The following GOLGA2 variants were observed in gnomAD, a reference collection of about 807,000 sequenced individuals.
The protein encoded by GOLGA2 is golgin subfamily A member 2.
In GOLGA2, 49 loss-of-function variants were observed where a neutral mutation model predicts 148.8. That is an observed-to-expected ratio of 0.33 (90% CI 0.26 to 0.42). The LOEUF is 0.42. GOLGA2 is among the 10% of genes least tolerant of loss of function. The pLI is 1.00. For synonymous variants in GOLGA2, 501 were observed against 511.8 expected (o/e 0.98, Z 0.28); for missense variants, 1,178 against 1,304.6 (o/e 0.90, Z 1.49).
Position 128,257,274 on chromosome 9 carries a change from G to A in GOLGA2, c.2883C>T (p.Cys961=), listed in dbSNP as rs142984551. ...CCACACTGCCGGCGAGGCTCACCTC[G>A]CAAAGATCTTTGGAGAGAGAGAGGC... ...LGAANQQGDL[C]EVSLAGSVEP... The change falls in exon 27 of 27, where the codon TGC becomes TGT. Residue 961 remains cysteine (C), a synonymous_variant. Coordinates refer to ENST00000611957, the MANE Select transcript of GOLGA2 (RefSeq NM_001366244.2). This position sits in a 1 kb window ranked among gnomAD's most constrained non-coding sequence, Gnocchi z 8.0. 2.1e-5 allele frequency: 34 copies of A among 1,612,708 alleles called. No individual in the cohort carries two copies. The East Asian group carries it at 6.7e-4, about 32-fold the overall frequency.
Position 128,261,346 on chromosome 9 carries a change from G to T in GOLGA2, c.1333-87C>A. The T allele has an allele frequency of 4.7e-6, 6 of 1,272,962 alleles. No individual in the cohort carries two copies. Among genetic ancestry groups the T allele is most frequent in the Non-Finnish European group, 6.9e-6 (6 of 869,762 alleles). The allele number at this position is 1,272,962 out of a possible 1,614,324, so 78.9% of individuals were successfully genotyped here. Reference sequence around the variant, plus strand: ...CTCCCTCTGCCCCCACCGCCACAAAGCCCAGACCCATGACCACCTCTGGCT... The same window carrying T: ...CTCCCTCTGCCCCCACCGCCACAAATCCCAGACCCATGACCACCTCTGGCT... On this transcript the variant is annotated intron_variant, in intron 16 of 26. Transcript: ENST00000611957. This position sits in a 1 kb window ranked among gnomAD's most constrained non-coding sequence, Gnocchi z 5.7.
Position 128,258,570 on chromosome 9 carries a change from C to T in GOLGA2, c.2174G>A (p.Gly725Glu). Residue 725 changes from glycine to glutamate, a missense_variant and splice_region_variant, in exon 22 of 27, where the codon GGA (glycine) becomes GAA (glutamate). Gly to Glu is a moderately conservative substitution (Grantham distance 98). This residue lies in a region of GOLGA2 where 529 missense variants were observed against 521.8 expected (regional missense o/e 1.01). Transcript: ENST00000611957. This position sits in a 1 kb window ranked among gnomAD's most constrained non-coding sequence, Gnocchi z 6.6. The part of the protein sequence containing the change: ...QLSLMAHPGE[G>E]DGLDREEEED... ...CTCCTCCTCCCGGTCCAGTCCATCT[C>T]CTATGGGGGTGGCCAGAGGGGTCAT... 1 of 1,558,472 alleles carries T rather than the reference C, an allele frequency of 6.4e-7. No individual in the cohort carries two copies. The highest frequency in any genetic ancestry group is 8.7e-7 in the Non-Finnish European group (1 of 1,151,998).
Position 128,265,587 on chromosome 9 carries a change from T to C in GOLGA2, c.931A>G (p.Arg311Gly), listed in dbSNP as rs199985875. 2.3e-4 allele frequency: 365 copies of C among 1,608,800 alleles called. No homozygotes were observed. The highest frequency in any genetic ancestry group is 2.2e-5 in the East Asian group (1 of 44,874). The change falls in exon 12 of 27, where the codon AGG becomes GGG. Residue 311 changes from arginine (R) to glycine (G), a missense_variant and splice_region_variant. Coordinates refer to ENST00000611957, the MANE Select transcript of GOLGA2 (RefSeq NM_001366244.2). Reference protein sequence around the residue: ...AVSTQQKKADRYNKELTKERD... With the variant: ...AVSTQQKKADGYNKELTKERD... ...ACGGGGCAGGCAGTTGGACTCACCC[T>C]GTCTGCCTTCTTCTGCTGCGTGGAG...
Position 128,271,370 on chromosome 9 carries a change from C to A in GOLGA2, c.288+1415G>T, listed in dbSNP as rs3739937. ...CAGCCAAGGCTGCTCTGTCTCAGTC[C>A]CTCTCCCCATACCCATCTCCAACAG... On this transcript the variant is annotated intron_variant, in intron 3 of 26. Coordinates refer to ENST00000611957, the MANE Select transcript of GOLGA2 (RefSeq NM_001366244.2). The surrounding 1 kb of genome is among the most constrained non-coding windows in gnomAD (Gnocchi z 4.4). Among the ~76,000 whole-genome samples the A allele has an allele frequency of 3.1e-3, 473 of 152,270 alleles. 17 individuals are homozygous for A. In the East Asian group the frequency reaches 0.077, roughly 25 times the overall value.
At position 128,257,723 on chromosome 9, in the gene GOLGA2, G is replaced by A. The variant is rs755902066; in HGVS notation, c.2612-16C>T. 1 of 1,611,932 alleles carries A rather than the reference G, an allele frequency of 6.2e-7. No homozygotes were observed. The highest frequency in any genetic ancestry group is 8.5e-7 in the Non-Finnish European group (1 of 1,178,026). On this transcript the variant is annotated splice_polypyrimidine_tract_variant and intron_variant, in intron 24 of 26. Transcript: ENST00000611957. This position sits in a 1 kb window ranked among gnomAD's most constrained non-coding sequence, Gnocchi z 8.0. ...ATGTACTCTCCTGCGGGAGGACAGGGCTCAGATGCTGGGTTCCCTCCGACC... is the reference window on the plus strand; with the variant it reads ...ATGTACTCTCCTGCGGGAGGACAGGACTCAGATGCTGGGTTCCCTCCGACC...
Position 128,259,077 on chromosome 9 carries a change from G to C in GOLGA2, c.2103C>G (p.Arg701=). The C allele has an allele frequency of 6.2e-7, 1 of 1,612,112 alleles. No homozygotes were observed. Residue 701 remains arginine, a synonymous_variant, in exon 21 of 27, where the codon CGC becomes CGG. Transcript: ENST00000611957. ...ARQELQETQE[R]LEAATQQNQQ... Reference sequence around the variant, plus strand: ...GATTCTGCTGGGTGGCAGCTTCCAGGCGCTCCTAAGGGGCCAGAAAAGAGA... The same window carrying C: ...GATTCTGCTGGGTGGCAGCTTCCAGCCGCTCCTAAGGGGCCAGAAAAGAGA...
rs1829976648 is a variant in GOLGA2 at position 128,257,725 on chromosome 9, T to G, written c.2612-18A>C. On this transcript the variant is annotated intron_variant, in intron 24 of 26. Coordinates refer to ENST00000611957, the MANE Select transcript of GOLGA2 (RefSeq NM_001366244.2). This position sits in a 1 kb window ranked among gnomAD's most constrained non-coding sequence, Gnocchi z 8.0. ...GTACTCTCCTGCGGGAGGACAGGGC[T>G]CAGATGCTGGGTTCCCTCCGACCGC... is the stretch of plus-strand genomic sequence containing the variant. 1.2e-6 allele frequency: 2 copies of G among 1,612,154 alleles called. No homozygotes were observed. Among genetic ancestry groups the G allele is most frequent in the Non-Finnish European group, 1.7e-6 (2 of 1,178,396 alleles).
Position 128,266,532 on chromosome 9 carries a change from G to A in GOLGA2, c.643-207C>T, listed in dbSNP as rs1830607528. 4 of 604,442 alleles carry A rather than the reference G, an allele frequency of 6.6e-6. No homozygotes were observed. Among genetic ancestry groups the A allele is most frequent in the South Asian group, 4.0e-5 (2 of 50,046 alleles). 37.4% of individuals were successfully genotyped at this position (604,442 alleles called of 1,614,324 possible). A position where few individuals can be genotyped will look rare whatever the true frequency, so the allele number is the denominator to read the frequency against. Reference sequence around the variant, plus strand: ...GGTTTTTGCCCACAGCCACAGAACTGAAAGTCTGAATCTCGATTCTCTTGA... The same window carrying A: ...GGTTTTTGCCCACAGCCACAGAACTAAAAGTCTGAATCTCGATTCTCTTGA... On this transcript the variant is annotated intron_variant, in intron 8 of 26. Transcript: ENST00000611957. This position sits in a 1 kb window ranked among gnomAD's most constrained non-coding sequence, Gnocchi z 4.2.
Position 128,266,297 on chromosome 9 carries a change from T to C in GOLGA2, c.671A>G (p.Gln224Arg), listed in dbSNP as rs1456205071. The C allele has an allele frequency of 1.5e-5, 24 of 1,613,200 alleles. No homozygotes were observed. The highest frequency in any genetic ancestry group is 2.0e-5 in the Non-Finnish European group (24 of 1,179,316). The change falls in exon 9 of 27, where the codon CAG becomes CGG. Residue 224 changes from glutamine (Q) to arginine (R), a missense_variant. Physicochemically the swap from Gln to Arg is conservative, Grantham distance 43 (BLOSUM62 1). This residue lies in a region of GOLGA2 where 304 missense variants were observed against 404.1 expected (regional missense o/e 0.75). Coordinates refer to ENST00000611957, the MANE Select transcript of GOLGA2 (RefSeq NM_001366244.2). The surrounding 1 kb of genome is among the most constrained non-coding windows in gnomAD (Gnocchi z 4.2). ...LKQQNQEITDQLEEEKKECHQ... is the reference protein window; with the variant it reads ...LKQQNQEITDRLEEEKKECHQ... ...AAGAAATCACGTTACTTCTTCCAAC[T>C]GATCCGTAATTTCTTGGTTCTGTTG...
Position 128,262,020 on chromosome 9 carries a change from A to T in GOLGA2, c.1135-263T>A, listed in dbSNP as rs1048201921. On this transcript the variant is annotated intron_variant, in intron 14 of 26. Transcript: ENST00000611957. Reference sequence around the variant, plus strand: ...GGAGTTCAAGACCAACCTCGGCAACATGGCAAAGCCCCGTATCTACAAATA... The same window carrying T: ...GGAGTTCAAGACCAACCTCGGCAACTTGGCAAAGCCCCGTATCTACAAATA... 1.7e-5 allele frequency: 8 copies of T among 457,660 alleles called. No homozygotes were observed. In the South Asian group the frequency reaches 2.1e-4, roughly 12 times the overall value. 28.3% of individuals were successfully genotyped at this position (457,660 alleles called of 1,614,324 possible).
At chr9:128,259,826 G>A (rs781031064) in intron 19 of GOLGA2, among the ~76,000 whole-genome samples, 3 of 152,206 alleles carry the variant, frequency 2.0e-5, no homozygotes, top group Admixed American at 6.5e-5. Flanking sequence ...CTCTTATGCC[G>A]CTGTCTCTTC....
rs1830248743 is a variant in GOLGA2 at position 128,261,167 on chromosome 9, C to T, written c.1420+5G>A. On this transcript the variant is annotated splice_donor_5th_base_variant and intron_variant, in intron 17 of 26. Transcript: ENST00000611957. This position sits in a 1 kb window ranked among gnomAD's most constrained non-coding sequence, Gnocchi z 5.7. ...TGCTCCCAGGTCACCCCAGCCCCAGCTTACCCATCTGGTTCCTCAGTTCAG... is the reference window on the plus strand; with the variant it reads ...TGCTCCCAGGTCACCCCAGCCCCAGTTTACCCATCTGGTTCCTCAGTTCAG... 6.2e-7 allele frequency: 1 copy of T among 1,602,634 alleles called. No homozygotes were observed. The highest frequency in any genetic ancestry group is 1.7e-5 in the Admixed American group (1 of 59,996).
chr9:128,268,771 C>T (rs186455690), intron 3 of GOLGA2, among the ~76,000 whole-genome samples: 19 of 152,298 alleles, frequency 1.2e-4, no homozygotes, highest in Admixed American at 1.2e-3. Context: ...ACCTCGCTCT[C>T]CCTGGAGCTC....
At chr9:128,262,957 C>T (rs571451478) in intron 13 of GOLGA2, 77 bp downstream of exon 13, 101 of 1,011,140 alleles carry the variant, frequency 1.0e-4, no homozygotes, top group Admixed American at 4.1e-4. Flanking sequence ...ATCATGCTTA[C>T]CTGTACCCCC....
chr9:128,260,666 G>A lies in GOLGA2; in HGVS notation c.1557C>T (p.Gly519=). 1 of 1,613,020 alleles carries A rather than the reference G, an allele frequency of 6.2e-7. No individual in the cohort carries two copies. The highest frequency in any genetic ancestry group is 8.5e-7 in the Non-Finnish European group (1 of 1,179,984). ...QLQAQVQDNE[G]LSRLNREQEE... Reference sequence around the variant, plus strand: ...CCTGCTCCCGGTTCAGGCGACTCAAGCCCTCATTGTCTTGCACCTGGGCTT... The same window carrying A: ...CCTGCTCCCGGTTCAGGCGACTCAAACCCTCATTGTCTTGCACCTGGGCTT... The change falls in exon 18 of 27, where the codon GGC becomes GGT. Residue 519 remains glycine, a synonymous_variant. Transcript: ENST00000611957. The surrounding 1 kb of genome is among the most constrained non-coding windows in gnomAD (Gnocchi z 4.8).
chr9:128,264,868 C>A (rs981525709), intron 12 of GOLGA2, among the ~76,000 whole-genome samples: 80 of 152,342 alleles, frequency 5.3e-4, no homozygotes, highest in South Asian at 1.0e-3. Flanking sequence ...ATTTAATCCT[C>A]ATAACCACCA....
chr9:128,260,528 T>A lies in GOLGA2; in HGVS notation c.1695A>T (p.Ala565=). 6.2e-7 allele frequency: 1 copy of A among 1,613,278 alleles called. No homozygotes were observed. The highest frequency in any genetic ancestry group is 1.3e-5 in the African/African-American group (1 of 74,990). Residue 565 remains alanine (A), a synonymous_variant, in exon 18 of 27, where the codon GCA becomes GCT. Coordinates refer to ENST00000611957, the MANE Select transcript of GOLGA2 (RefSeq NM_001366244.2). The surrounding 1 kb of genome is among the most constrained non-coding windows in gnomAD (Gnocchi z 4.8). ...MQNDRTTISR[A]LSQNRELKEQ... ...CCTTGAGCTCCCGGTTCTGGGAGAG[T>A]GCGCGGCTGATGGTAGTGCGGTCGT...
intron 1 of GOLGA2, among the ~76,000 whole-genome samples, chr9:128,274,523 C>G (rs761429500): frequency 3.9e-5 from 6 of 152,136 alleles, no homozygotes; most frequent in Non-Finnish European, 8.8e-5. Context: ...AAATATGTAT[C>G]TTAAAATGTG....
At position 128,257,070 on chromosome 9, in the gene GOLGA2, G is replaced by A. The variant is rs1829911533; in HGVS notation, c.3087C>T (p.Ile1029=). The A allele has an allele frequency of 2.5e-6, 4 of 1,609,790 alleles. No individual in the cohort carries two copies. The highest frequency in any genetic ancestry group is 3.4e-6 in the Non-Finnish European group (4 of 1,176,756). The change falls in exon 27 of 27, where the codon ATC becomes ATT. Residue 1029 remains isoleucine (I), a synonymous_variant. Transcript: ENST00000611957. The surrounding 1 kb of genome is among the most constrained non-coding windows in gnomAD (Gnocchi z 8.0). ...CTTTGCTGACAGTAGCCGGCTTTTA[G>A]ATGACAGTGATCTTCACCTCATCAT... ...DENDEVKITV[I]
Sources: allele counts gnomAD v4.1 joint callset (sites outside exome capture counted in the v4.1 genomes callset), GRCh38; gene constraint gnomAD v4.1.1; regional missense constraint gnomAD v4.1.1; non-coding constraint Gnocchi (gnomAD v3.1); transcripts MANE v1.5; gene names NCBI Gene and HGNC (gene_info 2026-07-23, HGNC 2026-07-21).